Variants in RAPGEF5 observed in about 807,000 individuals in gnomAD.
RAPGEF5 encodes M-Ras-regulated GEF.
In RAPGEF5, 65 loss-of-function variants were observed where a neutral mutation model predicts 125.2. That is an observed-to-expected ratio of 0.52 (90% CI 0.43 to 0.64). The LOEUF is 0.64. RAPGEF5 is among the 30% of genes least tolerant of loss of function. RAPGEF5 has a pLI of 0.00. For synonymous variants in RAPGEF5, 391 were observed against 385.9 expected (o/e 1.01, Z -0.16); for missense variants, 958 against 1,048.1 (o/e 0.91, Z 1.19).
At chr7:22,254,292 T>C (rs1303196093) in intron 7 of RAPGEF5, among the ~76,000 whole-genome samples, 1 of 151,702 alleles carries the variant, frequency 6.6e-6, no homozygotes, top group Non-Finnish European at 1.5e-5. Context: ...AAGCTGGGAC[T>C]TTAGACAAAG....
At chr7:22,210,226 A>C (rs1227915431) in intron 9 of RAPGEF5, among the ~76,000 whole-genome samples, 1 of 152,232 alleles carries the variant, frequency 6.6e-6, no homozygotes, top group Admixed American at 6.5e-5. Context: ...AAGTTGACTG[A>C]GCAGGGAGAA....
intron 9 of RAPGEF5, among the ~76,000 whole-genome samples, chr7:22,211,862 TCTCCCATCCACAGTCCA>T (rs1785513825): frequency 1.3e-5 from 2 of 151,754 alleles, no homozygotes; most frequent in African/African-American, 2.4e-5. Context: ...TGGCCCTACC[TCTCCCATCCACAGTCCA>T]CACTTAGGCT....
At chr7:22,176,471 C>T (rs1311216311) in intron 11 of RAPGEF5, among the ~76,000 whole-genome samples, 1 of 152,152 alleles carries the variant, frequency 6.6e-6, no homozygotes, top group East Asian at 1.9e-4. Flanking sequence ...AGAAGATATT[C>T]TACAAAACTA....
intron 20 of RAPGEF5, among the ~76,000 whole-genome samples, chr7:22,144,303 A>C (rs1386976536): frequency 6.6e-6 from 1 of 152,238 alleles, no homozygotes; most frequent in African/African-American, 2.4e-5. Flanking sequence ...TAAACAGATA[A>C]ATTTAATAAA....
chr7:22,175,190 T>C (rs145289535), intron 11 of RAPGEF5, among the ~76,000 whole-genome samples: 8 of 152,276 alleles, frequency 5.3e-5, no homozygotes, highest in Non-Finnish European at 1.2e-4. Flanking sequence ...GAAATGAGTG[T>C]TAAATGCTGC....
chr7:22,149,324 G>A (rs1292665724), intron 18 of RAPGEF5, among the ~76,000 whole-genome samples: 3 of 152,162 alleles, frequency 2.0e-5, no homozygotes, highest in Non-Finnish European at 2.9e-5. Context: ...GTTAACCTAC[G>A]TGGTATGCAG....
chr7:22,196,748 G>C (rs565861258), intron 9 of RAPGEF5, among the ~76,000 whole-genome samples: 1 of 152,236 alleles, frequency 6.6e-6, no homozygotes, highest in African/African-American at 2.4e-5. Context: ...GAGCGGCTTT[G>C]GTGAGACAGA....
intron 7 of RAPGEF5, among the ~76,000 whole-genome samples, chr7:22,237,003 C>T (rs1786208490): frequency 6.6e-6 from 1 of 152,234 alleles, no homozygotes; most frequent in African/African-American, 2.4e-5. Context: ...TCCCCAGGTG[C>T]TGCATCTCTT....
intron 7 of RAPGEF5, among the ~76,000 whole-genome samples, chr7:22,253,921 T>C (rs1197311159): frequency 6.6e-6 from 1 of 152,128 alleles, no homozygotes; most frequent in Non-Finnish European, 1.5e-5. Context: ...AAATAAAAAG[T>C]AAAAATTTAT....
At chr7:22,292,481 A>G (rs868190008) in intron 5 of RAPGEF5, among the ~76,000 whole-genome samples, 35 of 152,320 alleles carry the variant, frequency 2.3e-4, no homozygotes, top group African/African-American at 7.7e-4. Context: ...CTTGCTAACA[A>G]TCTGCCCAAT....
At chr7:22,335,691 CA>C (rs71653120) in intron 1 of RAPGEF5, among the ~76,000 whole-genome samples, 24,448 of 102,612 alleles carry the variant, frequency 0.24, 2,128 homozygotes, top group South Asian at 0.33. Flanking sequence ...AAGAAACAAG[CA>C]AAAAAAAAAA....
intron 6 of RAPGEF5, among the ~76,000 whole-genome samples, chr7:22,267,335 T>C (rs771132751): frequency 6.6e-5 from 10 of 152,136 alleles, no homozygotes; most frequent in Non-Finnish European, 1.2e-4. Flanking sequence ...TATAATGCAA[T>C]TATGAATTAT....
rs118036151 is a variant in RAPGEF5 at position 22,141,945 on chromosome 7, T to C, written c.2187-1830A>G. ...CATTTGAGAATCACTGCCTTTCACA[T>C]GGTGACTCCCCTTCATCCTGCTGTT... On this transcript the variant is annotated intron_variant, in intron 20 of 25. Coordinates refer to ENST00000665637, the MANE Select transcript of RAPGEF5 (RefSeq NM_012294.5). 1.1e-4 allele frequency among the ~76,000 whole-genome samples: 17 copies of C among 152,350 alleles called. No individual in the cohort carries two copies. The East Asian group carries it at 3.3e-3, about 29-fold the overall frequency.
intron 5 of RAPGEF5, among the ~76,000 whole-genome samples, chr7:22,307,308 A>G (rs967048883): frequency 9.2e-5 from 14 of 152,124 alleles, no homozygotes; most frequent in African/African-American, 3.1e-4. Context: ...ATTTGTGTCT[A>G]TTGTACACGC....
intron 19 of RAPGEF5, among the ~76,000 whole-genome samples, chr7:22,145,433 A>T (rs941977445): frequency 6.6e-6 from 1 of 152,236 alleles, no homozygotes; most frequent in African/African-American, 2.4e-5. Flanking sequence ...TCCTTATATA[A>T]GTGATTTTTC....
intron 5 of RAPGEF5, 106 bp downstream of exon 5, chr7:22,308,233 C>G (rs1783388976): frequency 2.7e-6 from 3 of 1,126,008 alleles, no homozygotes; most frequent in South Asian, 2.2e-5. Flanking sequence ...GATAGTAACT[C>G]CCTCTTAAGT....
chr7:22,328,769 T>C (rs149862180), intron 1 of RAPGEF5, among the ~76,000 whole-genome samples: 4 of 152,320 alleles, frequency 2.6e-5, no homozygotes, highest in Admixed American at 6.5e-5. Flanking sequence ...ACTTATCAGA[T>C]GTGATGTTGC....
intron 7 of RAPGEF5, among the ~76,000 whole-genome samples, chr7:22,259,727 T>C (rs1782096951): frequency 6.6e-6 from 1 of 152,234 alleles, no homozygotes; most frequent in Non-Finnish European, 1.5e-5. Context: ...AAGAAGCCAG[T>C]CTGAAAAGGC....
intron 10 of RAPGEF5, 131 bp downstream of exon 10, chr7:22,193,784 A>G: frequency 6.3e-7 from 1 of 1,598,806 alleles, no homozygotes; most frequent in East Asian, 2.3e-5. Flanking sequence ...AACGCTGGAG[A>G]GGCGGAGAGA....
Sources: gnomAD v4.1 joint callset for allele counts (sites outside exome capture counted in the v4.1 genomes callset) on GRCh38, gnomAD v4.1.1 for gene constraint, MANE v1.5 for transcripts, NCBI Gene and HGNC (gene_info 2026-07-23, HGNC 2026-07-21) for gene names.